The following MORN1 variants were observed in gnomAD, a reference collection of about 807,000 sequenced individuals.
MORN1 encodes the protein MORN repeat containing 1.
In MORN1, 67 loss-of-function variants were observed where a neutral mutation model predicts 61.9. The ratio of observed to expected loss-of-function variants is 1.08; its 90% confidence interval spans 0.89 to 1.33. The LOEUF (loss-of-function observed/expected upper bound fraction) is 1.33. Among genes scored for constraint, MORN1 ranks in the 40% most tolerant of loss-of-function variants. The pLI is 0.00. For synonymous variants in MORN1, 301 were observed against 292.0 expected (o/e 1.03, Z -0.31); for missense variants, 752 against 691.2 (o/e 1.09, Z -0.99).
Position 2,339,555 on chromosome 1 carries a change from G to A in MORN1, c.1037-2705C>T, listed in dbSNP as rs538721456. 5.3e-5 allele frequency among the ~76,000 whole-genome samples: 8 copies of A among 152,306 alleles called. No homozygotes were observed. The East Asian group carries it at 1.5e-3, about 29-fold the overall frequency. On this transcript the variant is annotated intron_variant, in intron 10 of 13. Coordinates refer to ENST00000378531, the MANE Select transcript of MORN1 (RefSeq NM_024848.3). The stretch of plus-strand genomic sequence containing the variant: ...TGCACCCACAATTTCTGCAGCTGCA[G>A]CAACAAGGCTGACATCAAAGCTGCC...
At chr1:2,347,079 G>A (rs1205246293) in intron 10 of MORN1, among the ~76,000 whole-genome samples, 1 of 152,156 alleles carries the variant, frequency 6.6e-6, no homozygotes, top group African/African-American at 2.4e-5. Context: ...GAGATGGGGA[G>A]CTCTTGGGAG....
intron 6 of MORN1, chr1:2,379,216 G>A (rs1455918081): frequency 4.3e-6 from 2 of 467,112 alleles, no homozygotes; most frequent in African/African-American, 4.0e-5. Context: ...ACTATAGATG[G>A]GTGGATCAGA....
At chr1:2,323,800 G>A (rs899587800) in intron 13 of MORN1, 23 of 985,142 alleles carry the variant, frequency 2.3e-5, no homozygotes, top group East Asian at 1.1e-4. Flanking sequence ...CAAGGCCTCC[G>A]AGTCCCCGTG....
rs12041111 is a variant in MORN1 at position 2,329,446 on chromosome 1, C to T, written c.1251-5303G>A. Among the ~76,000 whole-genome samples, 279 of 152,330 alleles carry T rather than the reference C, an allele frequency of 1.8e-3. 5 individuals are homozygous for T. In the East Asian group the frequency reaches 0.05, roughly 27 times the overall value. ...ACCCGGTGCCCCCAGCTTCCCAGTGCCCTCCCTGCAGCCGATCCCATTGTC... is the reference window on the plus strand; with the variant it reads ...ACCCGGTGCCCCCAGCTTCCCAGTGTCCTCCCTGCAGCCGATCCCATTGTC... On this transcript the variant is annotated intron_variant, in intron 12 of 13. Transcript: ENST00000378531.
chr1:2,322,739 C>T (rs1640910251), intron 13 of MORN1: 1 of 985,348 alleles, frequency 1.0e-6, no homozygotes, highest in African/African-American at 1.7e-5. Flanking sequence ...AGGAATCCAG[C>T]TATACCAGTG....
intron 2 of MORN1, 32 bp from the exon 3 acceptor site, chr1:2,388,369 C>G: frequency 6.4e-7 from 1 of 1,574,474 alleles, no homozygotes; most frequent in Non-Finnish European, 8.7e-7. Flanking sequence ...TGAACTCAGA[C>G]AGTGGTTGGG....
chr1:2,355,115 C>CG, intron 10 of MORN1: 1 of 1,054,974 alleles, frequency 9.5e-7, no homozygotes, highest in Non-Finnish European at 1.2e-6. Context: ...GATGCAGGCA[C>CG]GAGGCTGGTT....
Position 2,336,529 on chromosome 1 carries a change from CT to C in MORN1, c.1189del (p.Arg397GlufsTer36). ...SLHKKAGGRS[R>X]GGLHPRGTPP... ...TGTCCCCCTGGGGTGCAGGCCGCCT[CT>C]GGATCTGCCGCCTGCCTTCTAGAAA... On this transcript the variant is annotated frameshift_variant, in exon 12 of 14. Coordinates refer to ENST00000378531, the MANE Select transcript of MORN1 (RefSeq NM_024848.3). LOFTEE classifies it high-confidence loss of function. The C allele has an allele frequency of 6.2e-7, 1 of 1,612,790 alleles. No homozygotes were observed. Among genetic ancestry groups the C allele is most frequent in the Non-Finnish European group, 8.5e-7 (1 of 1,179,742 alleles).
At chr1:2,366,030 A>C (rs1240167740) in intron 8 of MORN1, among the ~76,000 whole-genome samples, 1 of 147,300 alleles carries the variant, frequency 6.8e-6, no homozygotes, top group East Asian at 2.0e-4. Flanking sequence ...ATGCACACGT[A>C]TGTTTATTGC....
intron 13 of MORN1, 148 bp downstream of exon 13, chr1:2,323,949 T>C: frequency 7.6e-7 from 1 of 1,321,910 alleles, no homozygotes; most frequent in Non-Finnish European, 9.8e-7. Flanking sequence ...TGGGAGGGCC[T>C]GGCTGCTCCC....
At position 2,358,595 on chromosome 1, in the gene MORN1, G is replaced by A. The variant is rs142272685; in HGVS notation, c.866C>T (p.Pro289Leu). Residue 289 changes from proline (P) to leucine (L), a missense_variant, in exon 9 of 14, where the codon CCA (proline) becomes CTA (leucine). By Grantham distance (98) the Pro-to-Leu change is moderately conservative. Coordinates refer to ENST00000378531, the MANE Select transcript of MORN1 (RefSeq NM_024848.3). ...CATTGGTGTCACACGTACTCACAAT[G>A]GGGTCTGGATGAGTGTCTCTTGGTT... The part of the protein sequence containing the change: ...RDNQETLIQT[P>L]FGFECIPYPV... 293 of 1,613,952 alleles carry A rather than the reference G, an allele frequency of 1.8e-4. 6 individuals carry two copies. Among genetic ancestry groups the A allele is most frequent in the South Asian group, 2.6e-4 (24 of 91,086 alleles).
intron 10 of MORN1, among the ~76,000 whole-genome samples, chr1:2,348,772 GGCACGCACACACAC>G (rs1395898898): frequency 2.5e-5 from 3 of 121,790 alleles, no homozygotes; most frequent in African/African-American, 7.4e-5. Context: ...CACCTGCGCA[GGCACGCACACACAC>G]GCACGCACAC....
At chr1:2,327,263 GAAAC>G (rs1191193684) in intron 12 of MORN1, among the ~76,000 whole-genome samples, 5 of 125,992 alleles carry the variant, frequency 4.0e-5, no homozygotes, top group Admixed American at 1.6e-4. Flanking sequence ...CAGAAACACA[GAAAC>G]AAACACAGAG....
intron 5 of MORN1, 91 bp from the exon 6 acceptor site, chr1:2,385,156 G>A: frequency 2.2e-6 from 3 of 1,362,336 alleles, no homozygotes; most frequent in East Asian, 2.5e-5. Flanking sequence ...GGCTCCGCAG[G>A]CACTGCGGGA....
chr1:2,391,341 G>A, intron 1 of MORN1, 117 bp downstream of exon 1: 1 of 1,168,808 alleles, frequency 8.6e-7, no homozygotes, highest in Non-Finnish European at 1.1e-6. Flanking sequence ...GCTCCGCCGC[G>A]GCACCTGGAC....
intron 2 of MORN1, 199 bp from the exon 3 acceptor site, chr1:2,388,536 G>A (rs553678334): frequency 7.7e-5 from 41 of 534,822 alleles, no homozygotes; most frequent in Non-Finnish European, 1.2e-4. Flanking sequence ...TTGAGCGGCC[G>A]GCGCCTTCAG....
intron 10 of MORN1, among the ~76,000 whole-genome samples, chr1:2,341,645 C>T (rs998754407): frequency 6.6e-6 from 1 of 150,614 alleles, no homozygotes; most frequent in Non-Finnish European, 1.5e-5. Context: ...GAGCCAAGAT[C>T]GCTCCATTGC....
At chr1:2,383,185 C>T (rs1293026614) in intron 6 of MORN1, among the ~76,000 whole-genome samples, 1 of 152,222 alleles carries the variant, frequency 6.6e-6, no homozygotes, top group Non-Finnish European at 1.5e-5. Context: ...AACGTTTCTC[C>T]TTTGCCAACA....
At chr1:2,345,967 T>C (rs145592709) in intron 10 of MORN1, among the ~76,000 whole-genome samples, 363 of 152,080 alleles carry the variant, frequency 2.4e-3, no homozygotes, top group African/African-American at 8.3e-3. Context: ...CCTGCATCTG[T>C]GATGAGACCT....
Sources: allele counts gnomAD v4.1 joint callset (sites outside exome capture counted in the v4.1 genomes callset), GRCh38; gene constraint gnomAD v4.1.1; transcripts MANE v1.5; gene names NCBI Gene and HGNC (gene_info 2026-07-23, HGNC 2026-07-21).